GPR39: variants seen among roughly 807,000 people sequenced by gnomAD.
The protein encoded by GPR39 is G protein-coupled receptor 39.
In GPR39, 23 loss-of-function variants were observed where a neutral mutation model predicts 18.4. That is an observed-to-expected ratio of 1.25 (90% CI 0.90 to 1.77). The LOEUF is 1.77. Among genes scored for constraint, GPR39 ranks in the 40% most tolerant of loss-of-function variants. The probability of loss-of-function intolerance (pLI) is 0.00; values close to 1 mark genes in which losing one functional copy is unlikely to be tolerated. For missense variants in GPR39, 647 were observed against 602.4 expected, an observed-to-expected ratio of 1.07 and a Z score of -0.78; for synonymous variants, 280 against 257.9, an observed-to-expected ratio of 1.09 and a Z score of -0.82.
At chr2:132,625,509 CA>C (rs1681526468) in intron 1 of GPR39, among the ~76,000 whole-genome samples, 1 of 152,054 alleles carries the variant, frequency 6.6e-6, no homozygotes, top group African/African-American at 2.4e-5. Flanking sequence ...CTTCTCGGCA[CA>C]TAGTGCATTC....
chr2:132,468,584 G>A (rs147948682), intron 1 of GPR39, among the ~76,000 whole-genome samples: 37 of 152,334 alleles, frequency 2.4e-4, no homozygotes, highest in African/African-American at 7.0e-4. Context: ...AGTTTGGAAC[G>A]TGAGACTGAG....
intron 1 of GPR39, among the ~76,000 whole-genome samples, chr2:132,560,350 C>T (rs1234603442): frequency 6.6e-6 from 1 of 152,152 alleles, no homozygotes; most frequent in Non-Finnish European, 1.5e-5. Context: ...TCCTGTCCTA[C>T]AGCCACTGTG....
At chr2:132,541,515 A>G (rs1679860879) in intron 1 of GPR39, among the ~76,000 whole-genome samples, 1 of 152,258 alleles carries the variant, frequency 6.6e-6, no homozygotes, top group Non-Finnish European at 1.5e-5. Flanking sequence ...TCTGTCATCC[A>G]TACCGCTCTC....
Position 132,428,008 on chromosome 2 carries a change from C to T in GPR39, c.856+10110C>T, listed in dbSNP as rs947376900. On this transcript the variant is annotated intron_variant, in intron 1 of 1. Transcript: ENST00000329321. ...ATTTAAAAGACAGCTGATGGGTTTT[C>T]ACTGTTTTTCAAGTTCAAGTTTACC... Among the ~76,000 whole-genome samples, 17 of 148,364 alleles carry T rather than the reference C, an allele frequency of 1.1e-4. 1 individual carries two copies. Among genetic ancestry groups the T allele is most frequent in the Admixed American group, 1.0e-3 (15 of 14,810 alleles).
At position 132,440,461 on chromosome 2, in the gene GPR39, A is replaced by G. The variant is rs1680415752; in HGVS notation, c.856+22563A>G. ...GGGGTGTGAACTGAGATGCAGGGGC[A>G]GCTTTTTAGGGGAAGGATGTATAAG... is the stretch of plus-strand genomic sequence containing the variant. On this transcript the variant is annotated intron_variant, in intron 1 of 1. Coordinates refer to ENST00000329321, the MANE Select transcript of GPR39 (RefSeq NM_001508.3). Among the ~76,000 whole-genome samples the G allele has an allele frequency of 3.3e-5, 5 of 152,282 alleles. No individual in the cohort carries two copies. In the South Asian group the frequency reaches 1.0e-3, roughly 32 times the overall value.
At chr2:132,443,489 T>C (rs1278117027) in intron 1 of GPR39, among the ~76,000 whole-genome samples, 2 of 152,206 alleles carry the variant, frequency 1.3e-5, no homozygotes, top group African/African-American at 2.4e-5. Context: ...TCCTAGAAAA[T>C]AGGCTTTGTG....
intron 1 of GPR39, among the ~76,000 whole-genome samples, chr2:132,536,692 G>T (rs1679762957): frequency 6.6e-6 from 1 of 152,200 alleles, no homozygotes; most frequent in Admixed American, 6.5e-5. Flanking sequence ...CTATTATCGT[G>T]TGGGAGTCTC....
intron 1 of GPR39, among the ~76,000 whole-genome samples, chr2:132,635,099 T>C (rs1681725816): frequency 6.6e-6 from 1 of 152,154 alleles, no homozygotes; most frequent in African/African-American, 2.4e-5. Context: ...CCACTCTTTC[T>C]TTTTCTTCCT....
intron 1 of GPR39, among the ~76,000 whole-genome samples, chr2:132,459,365 C>T (rs2104776085): frequency 6.6e-6 from 1 of 152,310 alleles, no homozygotes; most frequent in South Asian, 2.1e-4. Flanking sequence ...TCCTGATTCT[C>T]CAGGAAGCAG....
intron 1 of GPR39, among the ~76,000 whole-genome samples, chr2:132,607,933 T>G (rs1681169900): frequency 6.6e-6 from 1 of 152,152 alleles, no homozygotes; most frequent in Non-Finnish European, 1.5e-5. Flanking sequence ...TGAATAATTA[T>G]TAAAACCCAG....
intron 1 of GPR39, among the ~76,000 whole-genome samples, chr2:132,423,354 C>A (rs930638120): frequency 6.6e-6 from 1 of 152,100 alleles, no homozygotes; most frequent in Non-Finnish European, 1.5e-5. Context: ...CAGATTAGGG[C>A]CCCACCCTTA....
At chr2:132,471,666 T>TG (rs1219445431) in intron 1 of GPR39, among the ~76,000 whole-genome samples, 1 of 151,626 alleles carries the variant, frequency 6.6e-6, no homozygotes, top group Non-Finnish European at 1.5e-5. Context: ...TTTTTTTTTT[T>TG]TTTCTTCCCC....
At chr2:132,492,488 T>C (rs1476822197) in intron 1 of GPR39, among the ~76,000 whole-genome samples, 12 of 142,736 alleles carry the variant, frequency 8.4e-5, no homozygotes, top group East Asian at 2.1e-4. Flanking sequence ...ACCATATATA[T>C]ACACCATATA....
intron 1 of GPR39, among the ~76,000 whole-genome samples, chr2:132,515,481 C>T (rs1679316654): frequency 6.6e-6 from 1 of 152,184 alleles, no homozygotes; most frequent in Non-Finnish European, 1.5e-5. Context: ...CCCCAGACAC[C>T]TGTCCCACGT....
At chr2:132,465,500 A>G (rs1227297672) in intron 1 of GPR39, among the ~76,000 whole-genome samples, 1 of 152,212 alleles carries the variant, frequency 6.6e-6, no homozygotes, top group Non-Finnish European at 1.5e-5. Flanking sequence ...ACAGTAAGTA[A>G]TCACAGCCAT....
intron 1 of GPR39, among the ~76,000 whole-genome samples, chr2:132,615,733 A>T (rs977515435): frequency 1.3e-5 from 2 of 152,130 alleles, no homozygotes; most frequent in Non-Finnish European, 2.9e-5. Flanking sequence ...TTTAATTGAA[A>T]TTCTACTTTT....
At chr2:132,433,424 A>G (rs753615081) in intron 1 of GPR39, among the ~76,000 whole-genome samples, 9 of 152,070 alleles carry the variant, frequency 5.9e-5, no homozygotes, top group Non-Finnish European at 1.3e-4. Flanking sequence ...TTGTCTCTCC[A>G]GTAAAATATT....
intron 1 of GPR39, among the ~76,000 whole-genome samples, chr2:132,464,552 C>T (rs1269628534): frequency 2.6e-5 from 4 of 152,200 alleles, no homozygotes; most frequent in African/African-American, 7.2e-5. Context: ...ACCTTCAGCA[C>T]TAAGTCTCTC....
At chr2:132,480,665 A>G (rs954244131) in intron 1 of GPR39, among the ~76,000 whole-genome samples, 7 of 152,218 alleles carry the variant, frequency 4.6e-5, no homozygotes, top group East Asian at 1.9e-4. Context: ...TTCCCAACCA[A>G]TGCTAACGAG....
Sources: allele counts gnomAD v4.1 joint callset (sites outside exome capture counted in the v4.1 genomes callset), GRCh38; gene constraint gnomAD v4.1.1; transcripts MANE v1.5; gene names NCBI Gene and HGNC (gene_info 2026-07-23, HGNC 2026-07-21).